The following NUSAP1 variants were observed in gnomAD, a reference collection of about 807,000 sequenced individuals.
The protein encoded by NUSAP1 is nucleolar and spindle associated protein 1.
A neutral mutation model predicts 52.8 loss-of-function variants in NUSAP1; 32 were observed. The ratio of observed to expected loss-of-function variants is 0.61; its 90% CI spans 0.46 to 0.81. The LOEUF is 0.81. NUSAP1 is among the 40% of genes least tolerant of loss of function. NUSAP1 has a pLI of 0.00. For synonymous variants in NUSAP1, 195 were observed against 183.1 expected (o/e 1.06, Z -0.52); for missense variants, 499 against 522.3 (o/e 0.96, Z 0.43).
At position 41,342,409 on chromosome 15, in the gene NUSAP1, G is replaced by T; in HGVS notation, c.117G>T (p.Leu39Phe). 6.3e-7 allele frequency: 1 copy of T among 1,595,008 alleles called. No individual in the cohort carries two copies. Among genetic ancestry groups the T allele is most frequent in the Admixed American group, 1.8e-5 (1 of 56,916 alleles). The change falls in exon 2 of 11, where the codon TTG becomes TTT. Residue 39 changes from leucine (L) to phenylalanine (F), a missense_variant. Transcript: ENST00000559596. ...NLRATKLLKA[L>F]KGYIKHEARK... ...AGGCAACCAAGTTGTTAAAAGCCTTGAAAGGCTACATTAAACATGAGGCAA... is the reference window on the plus strand; with the variant it reads ...AGGCAACCAAGTTGTTAAAAGCCTTTAAAGGCTACATTAAACATGAGGCAA...
chr15:41,365,692 G>T, intron 7 of NUSAP1, 103 bp downstream of exon 7: 1 of 708,198 alleles, frequency 1.4e-6, no homozygotes, highest in South Asian at 2.9e-5. Flanking sequence ...TACTCATAGG[G>T]TACATAGTGA....
At chr15:41,360,168 A>C (rs546288886) in intron 6 of NUSAP1, among the ~76,000 whole-genome samples, 14 of 151,088 alleles carry the variant, frequency 9.3e-5, no homozygotes, top group African/African-American at 3.4e-4. Flanking sequence ...AGATGGAGTC[A>C]CATTGTGTTG....
In NUSAP1 at chr15:41,355,973, C is replaced by T. The variant is rs995687811; in HGVS notation, c.449-66C>T. On this transcript the variant is annotated intron_variant, in intron 4 of 10. Transcript: ENST00000559596. ...GATTACAGGCGTGAGCTACCGTGCC[C>T]GGCCACATATTTCTTAATGAGAACT... 3.3e-5 allele frequency: 33 copies of T among 1,001,348 alleles called. No individual in the cohort carries two copies. The Middle Eastern group carries it at 7.7e-4, about 23-fold the overall frequency. The allele number at this position is 1,001,348 out of a possible 1,614,324, so 62.0% of individuals were successfully genotyped here.
At chr15:41,373,890 C>G (rs529774568) in intron 8 of NUSAP1, among the ~76,000 whole-genome samples, 2 of 151,960 alleles carry the variant, frequency 1.3e-5, no homozygotes, top group South Asian at 2.1e-4. Context: ...GAAAAGTTAC[C>G]GTCATTTCCT....
At chr15:41,373,427 C>T (rs1022451818) in intron 8 of NUSAP1, among the ~76,000 whole-genome samples, 1 of 149,570 alleles carries the variant, frequency 6.7e-6, no homozygotes, top group Non-Finnish European at 1.5e-5. Flanking sequence ...TTTTTAACTT[C>T]GTGGTGCAAA....
intron 8 of NUSAP1, 130 bp downstream of exon 8, chr15:41,371,814 A>G (rs1275073598): frequency 1.9e-6 from 2 of 1,062,124 alleles, no homozygotes; most frequent in Admixed American, 6.0e-5. Flanking sequence ...TTTGTCACCC[A>G]GGCTAGAGTG....
chr15:41,356,823 C>A (rs2048991175), intron 5 of NUSAP1, among the ~76,000 whole-genome samples: 1 of 152,136 alleles, frequency 6.6e-6, no homozygotes, highest in African/African-American at 2.4e-5. Flanking sequence ...TTTCATAAGT[C>A]TAAATGATTC....
rs145145375 is a variant in NUSAP1, at chr15:41,360,358, C to T, written c.660+2100C>T. On this transcript the variant is annotated intron_variant, in intron 6 of 10. Transcript: ENST00000559596. ...TTTGACACAGTTTCACTCTTCTTGC[C>T]CAGACTGGAGTGCAATGGCGTGATC... Among the ~76,000 whole-genome samples the T allele has an allele frequency of 3.5e-3, 528 of 151,944 alleles. 4 individuals are homozygous for T. The highest frequency in any genetic ancestry group is 0.012 in the African/African-American group (490 of 41,426).
chr15:41,368,728 C>CTTTTTTTTT (rs57501156), intron 7 of NUSAP1, among the ~76,000 whole-genome samples: 5 of 77,942 alleles, frequency 6.4e-5, no homozygotes, highest in Admixed American at 1.7e-4. Context: ...TTATTTTATT[C>CTTTTTTTTT]TTTTTTTTTT....
chr15:41,367,202 C>T (rs1396074272), intron 7 of NUSAP1, among the ~76,000 whole-genome samples: 1 of 152,178 alleles, frequency 6.6e-6, no homozygotes, highest in Non-Finnish European at 1.5e-5. Context: ...GGGCGTTGAG[C>T]AGGTCAGGGG....
At chr15:41,374,775 T>G (rs1194787138) in intron 8 of NUSAP1, among the ~76,000 whole-genome samples, 1 of 152,132 alleles carries the variant, frequency 6.6e-6, no homozygotes, top group Non-Finnish European at 1.5e-5. Context: ...TCCACCTGCC[T>G]CGGCCTCCCA....
In NUSAP1 at chr15:41,365,438, G is replaced by A. The variant is rs764613442; in HGVS notation, c.697G>A (p.Val233Ile). 6.2e-7 allele frequency: 1 copy of A among 1,612,886 alleles called. No individual in the cohort carries two copies. The highest frequency in any genetic ancestry group is 2.2e-5 in the East Asian group (1 of 44,848). ...PINKGGVRTP[V>I]PPRGRLSVAS... is the part of the protein sequence containing the mutation. ...CAATAAGGGAGGGGTCAGGACTCCA[G>A]TACCTCCAAGAGGAAGACTCTCTGT... Residue 233 changes from valine (V) to isoleucine (I), a missense_variant, in exon 7 of 11, where the codon GTA becomes ATA. By Grantham distance (29) the Val-to-Ile change is conservative. Transcript: ENST00000559596.
At chr15:41,366,291 C>CTTTTTTTT (rs1200034822) in intron 7 of NUSAP1, among the ~76,000 whole-genome samples, 2 of 139,786 alleles carry the variant, frequency 1.4e-5, no homozygotes, top group African/African-American at 2.7e-5. Flanking sequence ...TTTCTTTTTT[C>CTTTTTTTT]TTTTTTTTTT....
intron 2 of NUSAP1, among the ~76,000 whole-genome samples, chr15:41,343,662 T>C (rs1250778849): frequency 6.6e-6 from 1 of 151,180 alleles, no homozygotes; most frequent in Non-Finnish European, 1.5e-5. Context: ...CCCATTTTCT[T>C]GTATTTTTAG....
In NUSAP1 at chr15:41,371,810, AC is replaced by A. The variant is rs1595598695; in HGVS notation, c.1006+129del. ...TCTGAGATGGAGTTTCGCTTTTGTC[AC>A]CCAGGCTAGAGTGTAATGGCGGGAT... On this transcript the variant is annotated intron_variant, in intron 8 of 10. Transcript: ENST00000559596. The A allele has an allele frequency of 1.5e-5, 17 of 1,120,944 alleles. No homozygotes were observed. In the East Asian group the frequency reaches 4.1e-4, roughly 27 times the overall value. The allele number at this position is 1,120,944 out of a possible 1,614,324, so 69.4% of individuals were successfully genotyped here.
intron 7 of NUSAP1, among the ~76,000 whole-genome samples, chr15:41,368,054 T>A (rs1354499585): frequency 6.6e-6 from 1 of 152,162 alleles, no homozygotes; most frequent in Non-Finnish European, 1.5e-5. Context: ...GAAAGCTGTC[T>A]CCAAAAATAA....
In NUSAP1 at chr15:41,380,176, C is replaced by G. The variant is rs773550087; in HGVS notation, c.1316C>G (p.Ala439Gly). ...GGAATGCGAAGGGGCCTCATTTTGGCTGAAGATTAATAATTTTTTAACATC... is the reference window on the plus strand; with the variant it reads ...GGAATGCGAAGGGGCCTCATTTTGGGTGAAGATTAATAATTTTTTAACATC... The part of the protein sequence containing the change: ...VLGMRRGLIL[A>G]ED Residue 439 changes from alanine (A) to glycine (G), a missense_variant, in exon 11 of 11, where the codon GCT becomes GGT. Transcript: ENST00000559596. 6.4e-6 allele frequency: 10 copies of G among 1,569,456 alleles called. No individual in the cohort carries two copies. The East Asian group carries it at 2.3e-4, about 37-fold the overall frequency.
intron 2 of NUSAP1, among the ~76,000 whole-genome samples, chr15:41,346,346 C>G (rs1040290080): frequency 6.6e-6 from 1 of 151,910 alleles, no homozygotes; most frequent in African/African-American, 2.4e-5. Context: ...GGGTCTCACT[C>G]TATCACCCAG....
intron 6 of NUSAP1, among the ~76,000 whole-genome samples, chr15:41,361,308 G>A (rs1301551428): frequency 2.0e-5 from 3 of 151,864 alleles, no homozygotes; most frequent in East Asian, 3.9e-4. Flanking sequence ...CAGGAGAATT[G>A]CTTGAACCCG....
Sources: gnomAD v4.1 joint callset for allele counts (sites outside exome capture counted in the v4.1 genomes callset) on GRCh38, gnomAD v4.1.1 for gene constraint, MANE v1.5 for transcripts, NCBI Gene and HGNC (gene_info 2026-07-23, HGNC 2026-07-21) for gene names.